The following HDHD5 variants were observed in gnomAD, a reference collection of about 807,000 sequenced individuals.
HDHD5 encodes the protein haloacid dehalogenase like hydrolase domain containing 5, also known as haloacid dehalogenase-like hydrolase domain-containing 5.
A neutral mutation model predicts 35.5 loss-of-function variants in HDHD5; 34 were observed. The observed-to-expected ratio is 0.96, with a 90% CI of 0.73 to 1.28. HDHD5 has a LOEUF of 1.28. HDHD5 is among the 50% of genes most tolerant of loss of function. HDHD5 has a pLI of 0.00. For synonymous variants in HDHD5, 248 were observed against 240.6 expected (o/e 1.03, Z -0.29); for missense variants, 589 against 560.2 (o/e 1.05, Z -0.52).
chr22:17,160,978 G>C (rs1460818272), upstream of HDHD5, among the ~76,000 whole-genome samples: 2 of 152,324 alleles, frequency 1.3e-5, no homozygotes, highest in Non-Finnish European at 2.9e-5. Flanking sequence ...AGCATAGCCA[G>C]GCGCGGTGGC....
At position 17,140,079 on chromosome 22, in the gene HDHD5, G is replaced by A. The variant is rs567829760; in HGVS notation, c.746+980C>T. On this transcript the variant is annotated intron_variant, in intron 6 of 7. Transcript: ENST00000336737. ...CAGACATACACTTTAAAAGTGACAA[G>A]AGCATACCATACCCCGTCTCTCTGG... is the stretch of plus-strand genomic sequence containing the variant. Among the ~76,000 whole-genome samples the A allele has an allele frequency of 2.7e-4, 41 of 152,272 alleles. No individual in the cohort carries two copies. The East Asian group carries it at 5.0e-3, about 19-fold the overall frequency.
intron 1 of HDHD5, chr22:17,165,087 G>A (rs572204767): frequency 1.3e-4 from 92 of 693,972 alleles, no homozygotes; most frequent in African/African-American, 1.3e-3. Context: ...ATTCTGAGAA[G>A]GTGGAGTTCT....
At chr22:17,160,070 C>A (rs1261520161), upstream of HDHD5, among the ~76,000 whole-genome samples, 2 of 152,354 alleles carry the variant, frequency 1.3e-5, no homozygotes, top group African/African-American at 4.8e-5. Flanking sequence ...GGAAAGAGGT[C>A]TCCATTCCCA....
Position 17,148,349 on chromosome 22 carries a change from A to G in HDHD5, c.443+99T>C. The G allele has an allele frequency of 3.1e-6, 3 of 953,996 alleles. 1 individual carries two copies. Among genetic ancestry groups the G allele is most frequent in the Admixed American group, 3.6e-5 (2 of 55,630 alleles). The allele number at this position is 953,996 out of a possible 1,614,324, so 59.1% of individuals were successfully genotyped here. ...GCCCACAACATCGCCTGTGTACCCC[A>G]GCACCCAGCACTCCTCACTACAGTC... On this transcript the variant is annotated intron_variant, in intron 3 of 7. Transcript: ENST00000336737.
At chr22:17,164,008 G>A (rs1041764213), upstream of HDHD5, among the ~76,000 whole-genome samples, 4 of 152,164 alleles carry the variant, frequency 2.6e-5, no homozygotes, top group Non-Finnish European at 5.9e-5. Flanking sequence ...ATCACCTGAG[G>A]TCAGGAGTTC....
At chr22:17,164,787 G>A (rs1161886650) in intron 1 of HDHD5, among the ~76,000 whole-genome samples, 5 of 152,210 alleles carry the variant, frequency 3.3e-5, no homozygotes, top group African/African-American at 7.2e-5. Flanking sequence ...TTTTCCACAT[G>A]AGAAGGAATA....
At chr22:17,140,701 G>A (rs1231955765) in intron 6 of HDHD5, among the ~76,000 whole-genome samples, 2 of 152,190 alleles carry the variant, frequency 1.3e-5, no homozygotes, top group African/African-American at 4.8e-5. Flanking sequence ...TGGAGCCAAG[G>A]AAGGAAGAGC....
chr22:17,152,290 A>AAAG (rs3838139), intron 1 of HDHD5, among the ~76,000 whole-genome samples: 133,557 of 152,012 alleles, frequency 0.88, 58,829 homozygotes, highest in African/African-American at 0.93. Context: ...GAGTTAACTG[A>AAAG]AAGACCAGGT....
chr22:17,145,721 G>C (rs2061655172), intron 3 of HDHD5, among the ~76,000 whole-genome samples: 1 of 152,188 alleles, frequency 6.6e-6, no homozygotes, highest in Non-Finnish European at 1.5e-5. Flanking sequence ...TGTCCCCAAG[G>C]AGCTAGCACA....
chr22:17,144,477 G>A (rs2123856262), intron 4 of HDHD5, among the ~76,000 whole-genome samples: 1 of 149,478 alleles, frequency 6.7e-6, no homozygotes, highest in South Asian at 2.1e-4. Flanking sequence ...GCAATGGTGT[G>A]ATGTCAGCTC....
At chr22:17,161,460 G>C (rs1481274076), upstream of HDHD5, among the ~76,000 whole-genome samples, 3 of 151,958 alleles carry the variant, frequency 2.0e-5, no homozygotes, top group Non-Finnish European at 2.9e-5. Flanking sequence ...TTGGGAGGCT[G>C]AGGCAGGAGA....
rs751935902 is a variant in HDHD5, at chr22:17,148,472, C to G, written c.419G>C (p.Gly140Ala). Residue 140 changes from glycine (G) to alanine (A), a missense_variant, in exon 3 of 8, where the codon GGG becomes GCG. Gly to Ala is a moderately conservative substitution (Grantham distance 60). Coordinates refer to ENST00000336737, the MANE Select transcript of HDHD5 (RefSeq NM_033070.3). ...HEKRMLVSGQ[G>A]PVMENAQGLG... ...CCCCTGGGCATTTTCCATCACGGGC[C>G]CCTGTCCAGACACCAGCATCCGCTT... 1 of 1,614,134 alleles carries G rather than the reference C, an allele frequency of 6.2e-7. No individual in the cohort carries two copies. Among genetic ancestry groups the G allele is most frequent in the South Asian group, 1.1e-5 (1 of 91,084 alleles).
At chr22:17,153,412 C>A (rs1374635661) in intron 1 of HDHD5, among the ~76,000 whole-genome samples, 3 of 152,076 alleles carry the variant, frequency 2.0e-5, no homozygotes, top group African/African-American at 7.3e-5. Flanking sequence ...AACAGGGGAC[C>A]CCAGGACTGC....
chr22:17,162,366 T>A (rs1413215867), upstream of HDHD5, among the ~76,000 whole-genome samples: 2 of 152,226 alleles, frequency 1.3e-5, no homozygotes, highest in Admixed American at 6.5e-5. Flanking sequence ...ATAACTAATA[T>A]TCTTGGTGAT....
intron 4 of HDHD5, chr22:17,143,423 C>T (rs915475403): frequency 6.2e-5 from 21 of 339,050 alleles, no homozygotes; most frequent in African/African-American, 3.2e-4. Context: ...AAGATATAGC[C>T]AAGCAAGAGT....
intron 1 of HDHD5, among the ~76,000 whole-genome samples, chr22:17,153,001 TG>T (rs151148489): frequency 0.024 from 3,670 of 152,082 alleles, 139 homozygotes; most frequent in African/African-American, 0.084. Context: ...ATATCACACC[TG>T]AACACCAAAA....
chr22:17,145,744 C>A (rs1241199872), intron 3 of HDHD5, among the ~76,000 whole-genome samples: 1 of 152,134 alleles, frequency 6.6e-6, no homozygotes, highest in Non-Finnish European at 1.5e-5. Context: ...CAGAGCCCAT[C>A]AAAACCAGTG....
chr22:17,145,048 G>A lies in HDHD5; in HGVS notation c.513C>T (p.Asp171=), dbSNP rs761785628. The part of the protein sequence containing the change: ...RMAFPLLDMV[D]LERRLKTTPL... ...CCGTGGTCTTTAGCCGCCGCTCCAGGTCCACCATGTCAAGCAGAGGAAAGG... is the reference window on the plus strand; with the variant it reads ...CCGTGGTCTTTAGCCGCCGCTCCAGATCCACCATGTCAAGCAGAGGAAAGG... The change falls in exon 4 of 8, where the codon GAC becomes GAT. Residue 171 remains aspartate (D), a synonymous_variant. Coordinates refer to ENST00000336737, the MANE Select transcript of HDHD5 (RefSeq NM_033070.3). 14 of 1,613,752 alleles carry A rather than the reference G, an allele frequency of 8.7e-6. No homozygotes were observed. Among genetic ancestry groups the A allele is most frequent in the Admixed American group, 6.7e-5 (4 of 59,948 alleles).
Position 17,164,844 on chromosome 22 carries a change from G to A in HDHD5, c.36+365C>T, listed in dbSNP as rs2061882207. ...GGCATATCCTACCTCACACCAGTAGGAGGCAGACGAAAGAAAAGAGAAGTT... is the reference window on the plus strand; with the variant it reads ...GGCATATCCTACCTCACACCAGTAGAAGGCAGACGAAAGAAAAGAGAAGTT... On this transcript the variant is annotated intron_variant, in intron 1 of 7. Transcript: ENST00000155674. 2.6e-5 allele frequency among the ~76,000 whole-genome samples: 4 copies of A among 152,198 alleles called. No homozygotes were observed. In the South Asian group the frequency reaches 8.3e-4, roughly 32 times the overall value.
Sources: allele counts gnomAD v4.1 joint callset (sites outside exome capture counted in the v4.1 genomes callset), GRCh38; gene constraint gnomAD v4.1.1; transcripts MANE v1.5; gene names NCBI Gene and HGNC (gene_info 2026-07-23, HGNC 2026-07-21).